Variants in PTPRN2 observed in about 807,000 individuals in gnomAD.
The protein encoded by PTPRN2 is receptor-type tyrosine-protein phosphatase N2.
Under a neutral mutation model 118.8 loss-of-function variants are expected in PTPRN2, and 74 were observed. The observed-to-expected ratio is 0.62, with a 90% CI of 0.52 to 0.76. The LOEUF is 0.76. Ranked by LOEUF, PTPRN2 falls within the 30% of genes least tolerant of loss-of-function variation. PTPRN2 has a pLI of 0.00. For synonymous variants in PTPRN2, 641 were observed against 608.0 expected, an observed-to-expected ratio of 1.05 and a Z score of -0.80; for missense variants, 1,481 against 1,394.4, an observed-to-expected ratio of 1.06 and a Z score of -0.99.
chr7:158,447,788 C>T (rs758295763), intron 2 of PTPRN2, among the ~76,000 whole-genome samples: 7 of 152,246 alleles, frequency 4.6e-5, no homozygotes, highest in Non-Finnish European at 2.9e-5. Flanking sequence ...GCGCAGGTGC[C>T]GGGGTACGAG....
At chr7:157,726,709 A>G (rs1211741099) in intron 12 of PTPRN2, among the ~76,000 whole-genome samples, 3 of 152,252 alleles carry the variant, frequency 2.0e-5, no homozygotes, top group Non-Finnish European at 4.4e-5. Flanking sequence ...CCAGAGAGCG[A>G]AAAGACAACC....
intron 12 of PTPRN2, among the ~76,000 whole-genome samples, chr7:157,793,819 G>T (rs900624563): frequency 1.3e-5 from 2 of 152,172 alleles, no homozygotes; most frequent in Non-Finnish European, 2.9e-5. Flanking sequence ...CCATGGCTTA[G>T]AAGCAGTAAT....
intron 17 of PTPRN2, among the ~76,000 whole-genome samples, chr7:157,586,924 A>G (rs2150547277): frequency 6.6e-6 from 1 of 152,340 alleles, no homozygotes; most frequent in African/African-American, 2.4e-5. Flanking sequence ...GTGTAGGACC[A>G]TCCCCTCCAC....
At chr7:157,781,444 G>C (rs1014112019) in intron 12 of PTPRN2, among the ~76,000 whole-genome samples, 6 of 152,156 alleles carry the variant, frequency 3.9e-5, no homozygotes, top group Non-Finnish European at 8.8e-5. Flanking sequence ...AAACACCATC[G>C]AATCAGGCCA....
rs994129021 is a variant in PTPRN2 at position 158,517,862 on chromosome 7, C to G, written c.113-28077G>C. Among the ~76,000 whole-genome samples the G allele has an allele frequency of 6.6e-6, 1 of 152,150 alleles. No homozygotes were observed. Among genetic ancestry groups the G allele is most frequent in the Admixed American group, 6.5e-5 (1 of 15,280 alleles). ...CACACCCCGGTTTGTTCCCACCAGG[C>G]CTTCACTAACATGCCACTGCAGAAA... On this transcript the variant is annotated intron_variant, in intron 1 of 22. Transcript: ENST00000389418. The surrounding 1 kb of genome is among the most constrained non-coding windows in gnomAD (Gnocchi z 5.3).
chr7:157,682,502 G>A (rs996309213), intron 13 of PTPRN2, among the ~76,000 whole-genome samples: 1 of 152,094 alleles, frequency 6.6e-6, no homozygotes, highest in South Asian at 2.1e-4. Context: ...GAGTTAACAC[G>A]AGGCTATCCA....
chr7:157,545,461 A>G (rs1315387344), intron 22 of PTPRN2, among the ~76,000 whole-genome samples: 2 of 147,838 alleles, frequency 1.4e-5, no homozygotes, highest in African/African-American at 5.0e-5. Flanking sequence ...GTGGGTGTGC[A>G]GTGTCCCTGG....
chr7:158,268,571 A>ATG (rs1798058775), intron 3 of PTPRN2, among the ~76,000 whole-genome samples: 1 of 135,834 alleles, frequency 7.4e-6, no homozygotes, highest in Non-Finnish European at 1.5e-5. Flanking sequence ...TCCCAGCCGC[A>ATG]CGCACACAGG....
Position 157,674,848 on chromosome 7 carries a change from G to A in PTPRN2, c.2001+7877C>T, listed in dbSNP as rs1052496961. 6.6e-6 allele frequency among the ~76,000 whole-genome samples: 1 copy of A among 152,190 alleles called. No homozygotes were observed. The highest frequency in any genetic ancestry group is 1.5e-5 in the Non-Finnish European group (1 of 68,036). On this transcript the variant is annotated intron_variant, in intron 13 of 22. Coordinates refer to ENST00000389418, the MANE Select transcript of PTPRN2 (RefSeq NM_002847.5). The surrounding 1 kb of genome is among the most constrained non-coding windows in gnomAD (Gnocchi z 4.5). ...ACGCCGAGCTCCTCCTGCCGGGGGG[G>A]TCTGCACAGTTCTGGGTGGGGGAGG...
chr7:158,406,576 G>C (rs1331567780), intron 2 of PTPRN2, among the ~76,000 whole-genome samples: 1 of 152,234 alleles, frequency 6.6e-6, no homozygotes, highest in Non-Finnish European at 1.5e-5. Flanking sequence ...TCCTTCCCCA[G>C]GGCAGGTGCC....
At chr7:157,663,805 A>G (rs1010530122) in intron 13 of PTPRN2, among the ~76,000 whole-genome samples, 7 of 152,236 alleles carry the variant, frequency 4.6e-5, no homozygotes, top group African/African-American at 1.7e-4. Context: ...TTCCAAATTC[A>G]TAATGGAAAT....
At chr7:157,934,778 G>A (rs1326746164) in intron 11 of PTPRN2, among the ~76,000 whole-genome samples, 1 of 152,174 alleles carries the variant, frequency 6.6e-6, no homozygotes, top group Non-Finnish European at 1.5e-5. Flanking sequence ...GTGGACCTGG[G>A]TCTCCAACTG....
intron 1 of PTPRN2, among the ~76,000 whole-genome samples, chr7:158,561,017 G>T (rs373309579): frequency 2.6e-5 from 4 of 152,320 alleles, no homozygotes; most frequent in Middle Eastern, 3.4e-3. Context: ...TGTGCACAGG[G>T]TTATTCTGTT....
In PTPRN2 at chr7:158,393,603, C is replaced by T. The variant is rs371211735; in HGVS notation, c.164-76671G>A. On this transcript the variant is annotated intron_variant, in intron 2 of 22. Transcript: ENST00000389418. ...GTTTCTCCCTTTGGTGAATCTGCAC[C>T]TTTTGGAAGTGGAAGTCATCTTTCA... is the stretch of plus-strand genomic sequence containing the variant. Among the ~76,000 whole-genome samples the T allele has an allele frequency of 1.1e-3, 169 of 152,310 alleles. 1 individual carries two copies. In the Middle Eastern group the frequency reaches 0.017, roughly 15 times the overall value.
intron 12 of PTPRN2, among the ~76,000 whole-genome samples, chr7:157,684,936 TG>T (rs1286657994): frequency 6.6e-6 from 1 of 151,634 alleles, no homozygotes; most frequent in Non-Finnish European, 1.5e-5. Context: ...GCGAGAGGCG[TG>T]TGGGTCCAAG....
At chr7:158,212,086 A>G (rs1563610278) in intron 3 of PTPRN2, among the ~76,000 whole-genome samples, 1 of 152,238 alleles carries the variant, frequency 6.6e-6, no homozygotes, top group Non-Finnish European at 1.5e-5. Flanking sequence ...ACTGAAAATC[A>G]TTATGTTAAG....
chr7:157,743,721 T>G (rs1370608630), intron 12 of PTPRN2, among the ~76,000 whole-genome samples: 1 of 143,202 alleles, frequency 7.0e-6, no homozygotes, highest in Non-Finnish European at 1.5e-5. Flanking sequence ...TTCTGGCAAG[T>G]CCGTGGCTGG....
intron 1 of PTPRN2, among the ~76,000 whole-genome samples, chr7:158,538,014 T>C (rs1825748535): frequency 6.6e-6 from 1 of 152,248 alleles, no homozygotes; most frequent in Admixed American, 6.5e-5. Flanking sequence ...ATTACTTTTT[T>C]TCATTACTCA....
chr7:158,514,629 G>A (rs1259129612), intron 1 of PTPRN2, among the ~76,000 whole-genome samples: 2 of 152,096 alleles, frequency 1.3e-5, no homozygotes, highest in African/African-American at 2.4e-5. Flanking sequence ...TCACGGGTGC[G>A]TCAAAGAGAA....
Sources: allele counts gnomAD v4.1 joint callset (sites outside exome capture counted in the v4.1 genomes callset), GRCh38; gene constraint gnomAD v4.1.1; non-coding constraint Gnocchi (gnomAD v3.1); transcripts MANE v1.5; gene names NCBI Gene and HGNC (gene_info 2026-07-23, HGNC 2026-07-21).